The following DSCAM variants were observed in gnomAD, a reference collection of about 807,000 sequenced individuals.
DSCAM encodes the protein DS cell adhesion molecule.
A neutral mutation model predicts 217.7 loss-of-function variants in DSCAM; 47 were observed. That is an observed-to-expected ratio of 0.22 (90% confidence interval 0.17 to 0.28). The LOEUF (loss-of-function observed/expected upper bound fraction) is 0.28, where lower values mean the gene tolerates loss of function less well. Ranked by LOEUF, DSCAM falls within the 10% of genes least tolerant of loss-of-function variation. DSCAM has a pLI of 1.00. For missense variants in DSCAM, 2,080 were observed against 2,618.3 expected (o/e 0.79, Z 4.49); for synonymous variants, 1,056 against 1,015.3 (o/e 1.04, Z -0.76).
At chr21:40,771,835 CT>C (rs1281954387) in intron 1 of DSCAM, among the ~76,000 whole-genome samples, 31 of 152,304 alleles carry the variant, frequency 2.0e-4, no homozygotes, top group African/African-American at 7.5e-4. Flanking sequence ...GGAACTCAAC[CT>C]AAAATAGCCA....
intron 1 of DSCAM, among the ~76,000 whole-genome samples, chr21:40,753,227 T>C (rs1365241230): frequency 6.6e-6 from 1 of 152,228 alleles, no homozygotes; most frequent in Non-Finnish European, 1.5e-5. Flanking sequence ...TCAGGGGGTA[T>C]TCCTTGGTCT....
At chr21:40,571,986 A>G (rs777837391) in intron 3 of DSCAM, among the ~76,000 whole-genome samples, 22 of 152,208 alleles carry the variant, frequency 1.4e-4, no homozygotes, top group Non-Finnish European at 2.5e-4. Flanking sequence ...TACTAAGTAT[A>G]TAATGCAAAT....
intron 3 of DSCAM, among the ~76,000 whole-genome samples, chr21:40,491,775 T>C (rs929860411): frequency 2.0e-5 from 3 of 152,120 alleles, no homozygotes; most frequent in Admixed American, 6.5e-5. Context: ...TCTAAATACA[T>C]TTCACCAGCA....
chr21:40,331,670 T>C (rs2074379471), intron 8 of DSCAM, among the ~76,000 whole-genome samples: 1 of 151,860 alleles, frequency 6.6e-6, no homozygotes, highest in Non-Finnish European at 1.5e-5. Flanking sequence ...AAGGAGGACA[T>C]GGTAAAAAAA....
At chr21:40,247,241 C>T (rs1601481250) in intron 11 of DSCAM, among the ~76,000 whole-genome samples, 1 of 152,136 alleles carries the variant, frequency 6.6e-6, no homozygotes, top group Non-Finnish European at 1.5e-5. Flanking sequence ...TTGGCCCCTC[C>T]AAAATCTCAT....
In DSCAM at chr21:40,692,878, A is replaced by C. The variant is rs763737904; in HGVS notation, c.440T>G (p.Ile147Ser). 63 of 1,613,828 alleles carry C rather than the reference A, an allele frequency of 3.9e-5. No individual in the cohort carries two copies. Among genetic ancestry groups the C allele is most frequent in the Non-Finnish European group, 5.1e-5 (60 of 1,179,910 alleles). ...RGNVAVFKCIIPSSVEAYITV... is the reference protein window; with the variant it reads ...RGNVAVFKCISPSSVEAYITV... The stretch of plus-strand genomic sequence containing the variant: ...GATGTACGCCTCCACCGAGGAGGGG[A>C]TAATGCACTTGAAGACCGCAACATT... The change falls in exon 3 of 33, where the codon ATC (isoleucine) becomes AGC (serine). Residue 147 changes from isoleucine to serine, a missense_variant. Physicochemically the swap from Ile to Ser is moderately radical, Grantham distance 142. Transcript: ENST00000400454.
At chr21:40,181,359 C>T (rs1251069566) in intron 14 of DSCAM, among the ~76,000 whole-genome samples, 2 of 152,134 alleles carry the variant, frequency 1.3e-5, no homozygotes, top group African/African-American at 2.4e-5. Flanking sequence ...GCTTTCAGAC[C>T]TACCAAACCA....
Position 40,296,152 on chromosome 21 carries a change from C to T in DSCAM, c.2085G>A (p.Gln695=). ...IVRVPPKFVV[Q]PRDQDGIYGK... is the part of the protein sequence containing the mutation. The stretch of plus-strand genomic sequence containing the variant: ...CATAAATCCCGTCCTGGTCCCGTGG[C>T]TGAACCACAAACTTGGGAGGAACTG... Residue 695 remains glutamine (Q), a synonymous_variant, in exon 10 of 33, where the codon CAG becomes CAA. Transcript: ENST00000400454. The T allele has an allele frequency of 6.2e-7, 1 of 1,614,058 alleles. No individual in the cohort carries two copies. The highest frequency in any genetic ancestry group is 1.1e-5 in the South Asian group (1 of 91,076).
intron 11 of DSCAM, among the ~76,000 whole-genome samples, chr21:40,232,164 A>T (rs2091387874): frequency 1.3e-5 from 2 of 152,238 alleles, no homozygotes; most frequent in South Asian, 4.1e-4. Context: ...AACTACAGGC[A>T]GATGACGTCA....
Position 40,033,344 on chromosome 21 carries a change from G to A in DSCAM, c.5686+9027C>T, listed in dbSNP as rs1017002848. 1.1e-4 allele frequency among the ~76,000 whole-genome samples: 16 copies of A among 152,328 alleles called. No individual in the cohort carries two copies. The East Asian group carries it at 1.5e-3, about 15-fold the overall frequency. On this transcript the variant is annotated intron_variant, in intron 32 of 32. Transcript: ENST00000400454. Reference sequence around the variant, plus strand: ...CACCATGCGCGAGCCGAAGCAGGGCGAGGCATTGCATCACTCGGGAAGCAC... The same window carrying A: ...CACCATGCGCGAGCCGAAGCAGGGCAAGGCATTGCATCACTCGGGAAGCAC...
intron 1 of DSCAM, among the ~76,000 whole-genome samples, chr21:40,826,272 T>G (rs2091968213): frequency 1.3e-5 from 2 of 152,058 alleles, no homozygotes; most frequent in Admixed American, 1.3e-4. Context: ...GGTAGAGCAT[T>G]CCAGGCAGAA....
At chr21:40,654,547 C>T (rs2090052261) in intron 3 of DSCAM, among the ~76,000 whole-genome samples, 1 of 152,190 alleles carries the variant, frequency 6.6e-6, no homozygotes, top group Admixed American at 6.5e-5. Context: ...ATGGATCTCA[C>T]TGGACTAAAA....
chr21:40,512,371 T>C (rs915518325), intron 3 of DSCAM, among the ~76,000 whole-genome samples: 13 of 152,182 alleles, frequency 8.5e-5, no homozygotes, highest in Non-Finnish European at 1.6e-4. Context: ...TTTACTCTCC[T>C]ACTAAATCTT....
At chr21:40,746,012 T>G (rs1288174772) in intron 1 of DSCAM, among the ~76,000 whole-genome samples, 1 of 151,996 alleles carries the variant, frequency 6.6e-6, no homozygotes, top group Admixed American at 6.6e-5. Flanking sequence ...ATAACATGAT[T>G]TTAAGCATCA....
At chr21:40,596,125 G>T (rs1812305329) in intron 3 of DSCAM, among the ~76,000 whole-genome samples, 1 of 152,200 alleles carries the variant, frequency 6.6e-6, no homozygotes, top group Non-Finnish European at 1.5e-5. Flanking sequence ...TGGCACATGA[G>T]CTTGTAGCAA....
At chr21:40,194,466 C>T (rs140248815) in intron 11 of DSCAM, among the ~76,000 whole-genome samples, 57 of 152,220 alleles carry the variant, frequency 3.7e-4, no homozygotes, top group Admixed American at 7.2e-4. Flanking sequence ...GGTAATTTAA[C>T]AGGGATTGGT....
At chr21:40,586,936 T>A (rs2076951032) in intron 3 of DSCAM, among the ~76,000 whole-genome samples, 1 of 151,972 alleles carries the variant, frequency 6.6e-6, no homozygotes, top group Admixed American at 6.6e-5. Context: ...TCACACAGCA[T>A]CTAAAAAGGA....
At chr21:40,217,176 A>G (rs1239695474) in intron 11 of DSCAM, among the ~76,000 whole-genome samples, 1 of 152,222 alleles carries the variant, frequency 6.6e-6, no homozygotes, top group Non-Finnish European at 1.5e-5. Flanking sequence ...TTATTATTGT[A>G]TTACATTTCT....
chr21:40,708,403 C>T, intron 2 of DSCAM, 51 bp downstream of exon 2: 3 of 1,358,842 alleles, frequency 2.2e-6, no homozygotes, highest in South Asian at 4.4e-5. Flanking sequence ...TTGTCATTAT[C>T]CTCCCATCCC....
Sources: allele counts gnomAD v4.1 joint callset (sites outside exome capture counted in the v4.1 genomes callset), GRCh38; gene constraint gnomAD v4.1.1; transcripts MANE v1.5; gene names NCBI Gene and HGNC (gene_info 2026-07-23, HGNC 2026-07-21).